Variants in INCENP observed in about 807,000 individuals in gnomAD.
The protein encoded by INCENP is inner centromere protein.
Under a neutral mutation model 107.3 loss-of-function variants are expected in INCENP, and 43 were observed. The ratio of observed to expected loss-of-function variants is 0.40; its 90% CI spans 0.31 to 0.52. The LOEUF (loss-of-function observed/expected upper bound fraction) is 0.52. Among genes scored for constraint, INCENP ranks in the 20% least tolerant of loss-of-function variants. INCENP has a pLI of 0.53. For missense variants in INCENP, 1,089 were observed against 1,250.9 expected, an observed-to-expected ratio of 0.87 and a Z score of 1.95; for synonymous variants, 488 against 494.4, an observed-to-expected ratio of 0.99 and a Z score of 0.17.
chr11:62,148,659 A>T, intron 16 of INCENP, 80 bp from the exon 17 acceptor site: 1 of 1,338,204 alleles, frequency 7.5e-7, no homozygotes, highest in South Asian at 1.3e-5. Context: ...GAAAGGGAGG[A>T]GAATGGAGCG....
chr11:62,131,049 G>A (rs751778490), intron 4 of INCENP, among the ~76,000 whole-genome samples: 2 of 152,172 alleles, frequency 1.3e-5, no homozygotes, highest in Non-Finnish European at 2.9e-5. Context: ...TAAATTCACC[G>A]GGTTTGCGCG....
chr11:62,128,387 C>T (rs1038965344), intron 2 of INCENP, 86 bp downstream of exon 2: 22 of 1,486,792 alleles, frequency 1.5e-5, no homozygotes, highest in African/African-American at 4.1e-5. Flanking sequence ...CCCTCGTCCC[C>T]GCCTACCTGG....
At chr11:62,136,687 G>GA (rs1397370425) in intron 4 of INCENP, among the ~76,000 whole-genome samples, 62 of 151,594 alleles carry the variant, frequency 4.1e-4, no homozygotes, top group Non-Finnish European at 2.1e-4. Context: ...CTCAAAAAAA[G>GA]AAAAAAAATT....
In INCENP at chr11:62,145,047, G is replaced by A; in HGVS notation, c.1671G>A (p.Gln557=). Residue 557 remains glutamine, a synonymous_variant, in exon 12 of 19, where the codon CAG becomes CAA. Coordinates refer to ENST00000394818, the MANE Select transcript of INCENP (RefSeq NM_001040694.2). ...RKEEAEQLRR[Q]KVEEDKRRRL... ...AGGAGGCCGAGCAGCTGCGCAGGCA[G>A]AAGGTGGAGGAGGACAAGCGGCGGC... 6.2e-7 allele frequency: 1 copy of A among 1,612,966 alleles called. No homozygotes were observed. The highest frequency in any genetic ancestry group is 2.2e-5 in the East Asian group (1 of 44,878).
chr11:62,125,101 T>C (rs1943721784), intron 1 of INCENP, among the ~76,000 whole-genome samples: 1 of 152,188 alleles, frequency 6.6e-6, no homozygotes, highest in Non-Finnish European at 1.5e-5. Flanking sequence ...CGGTGAGGTG[T>C]TGAGTGCTCT....
At chr11:62,125,558 G>T (rs1943730068) in intron 1 of INCENP, among the ~76,000 whole-genome samples, 1 of 152,256 alleles carries the variant, frequency 6.6e-6, no homozygotes, top group Non-Finnish European at 1.5e-5. Context: ...CCCAAAGCCT[G>T]TACGATCCTG....
chr11:62,147,535 G>T (rs1423743648), intron 15 of INCENP, among the ~76,000 whole-genome samples: 1 of 152,220 alleles, frequency 6.6e-6, no homozygotes, highest in Admixed American at 6.5e-5. Context: ...CTCACTGTTG[G>T]TCAGGAGATA....
At chr11:62,145,348 T>C in intron 13 of INCENP, 59 bp downstream of exon 13, 2 of 1,603,432 alleles carry the variant, frequency 1.2e-6, no homozygotes, top group Admixed American at 3.5e-5. Context: ...GGGTTAGGAC[T>C]GGACCCCTCA....
At position 62,130,437 on chromosome 11, in the gene INCENP, C is replaced by A. The variant is rs111319392; in HGVS notation, c.910C>A (p.Arg304=). The stretch of plus-strand genomic sequence containing the variant: ...CTCTCGCACGGACTCTCAATCGGTG[C>A]GGCACAGCCCGATCGCCCCGTCTTC... ...TGSRTDSQSV[R]HSPIAPSSPS... is the part of the protein sequence containing the mutation. Residue 304 remains arginine, a synonymous_variant, in exon 4 of 19, where the codon CGG becomes AGG. Coordinates refer to ENST00000394818, the MANE Select transcript of INCENP (RefSeq NM_001040694.2). 1.9e-6 allele frequency: 3 copies of A among 1,613,916 alleles called. No individual in the cohort carries two copies. Among genetic ancestry groups the A allele is most frequent in the Middle Eastern group, 1.6e-4 (1 of 6,062 alleles).
Position 62,145,728 on chromosome 11 carries a change from C to T in INCENP, c.1936C>T (p.Arg646Cys), listed in dbSNP as rs753711597. ...EARRKQEEEA[R>C]RLRWLQQEEE... ...ACGCAGGAAGCAGGAAGAGGAGGCA[C>T]GTAGGCTCAGGTGGCTGCAGCAGGT... Residue 646 changes from arginine to cysteine, a missense_variant, in exon 14 of 19, where the codon CGT (arginine) becomes TGT (cysteine). Arg to Cys is a radical substitution (Grantham distance 180). Transcript: ENST00000394818. The T allele has an allele frequency of 2.7e-5, 42 of 1,554,610 alleles. No individual in the cohort carries two copies. The South Asian group carries it at 3.1e-4, about 11-fold the overall frequency.
intron 4 of INCENP, among the ~76,000 whole-genome samples, chr11:62,131,612 G>A (rs1943895045): frequency 6.6e-6 from 1 of 152,148 alleles, no homozygotes; most frequent in Admixed American, 6.6e-5. Context: ...ATGGGTGTCT[G>A]GGGCTCATGC....
chr11:62,139,895 C>T (rs1452281915), intron 7 of INCENP, among the ~76,000 whole-genome samples: 1 of 152,176 alleles, frequency 6.6e-6, no homozygotes, highest in Non-Finnish European at 1.5e-5. Context: ...GAGCCAGGCA[C>T]TCGCGGGGAG....
chr11:62,148,730 G>C lies in INCENP; in HGVS notation c.2284-9G>C, dbSNP rs757796268. On this transcript the variant is annotated splice_polypyrimidine_tract_variant and intron_variant, in intron 16 of 18. Transcript: ENST00000394818. ...GCTCCCTAACACCCCATTGCCACCT[G>C]GGTTCCAGGAAGAGCAGCAGCGTCT... 1 of 1,573,858 alleles carries C rather than the reference G, an allele frequency of 6.4e-7. No homozygotes were observed. The highest frequency in any genetic ancestry group is 1.7e-4 in the Middle Eastern group (1 of 5,748).
Position 62,128,245 on chromosome 11 carries a change from T to A in INCENP, c.84T>A (p.Asn28Lys). Residue 28 changes from asparagine (N) to lysine (K), a missense_variant, in exon 2 of 19, where the codon AAT (asparagine) becomes AAA (lysine). Physicochemically the swap from Asn to Lys is moderately conservative, Grantham distance 94. Coordinates refer to ENST00000394818, the MANE Select transcript of INCENP (RefSeq NM_001040694.2). ...KLMEFLCNMD[N>K]KDLVWLEEIQ... ...TGGAGTTTCTCTGCAACATGGATAA[T>A]AAGGACTTGGTGTGGCTTGAGGAAA... is the stretch of plus-strand genomic sequence containing the variant. The A allele has an allele frequency of 6.2e-7, 1 of 1,614,158 alleles. No individual in the cohort carries two copies. The highest frequency in any genetic ancestry group is 8.5e-7 in the Non-Finnish European group (1 of 1,180,002).
intron 15 of INCENP, among the ~76,000 whole-genome samples, chr11:62,147,109 G>A (rs1351939015): frequency 6.6e-6 from 1 of 152,210 alleles, no homozygotes. Flanking sequence ...GCTTGGCTTG[G>A]TTCTGCCTCC....
intron 4 of INCENP, 34 bp from the exon 5 acceptor site, chr11:62,137,798 A>G (rs534573193): frequency 1.2e-6 from 2 of 1,608,964 alleles, no homozygotes; most frequent in African/African-American, 2.7e-5. Flanking sequence ...GTGGTCTCTG[A>G]TGAGATCTTT....
At position 62,150,188 on chromosome 11, in the gene INCENP, C is replaced by T. The variant is rs368156075; in HGVS notation, c.2523C>T (p.Pro841=). The change falls in exon 18 of 19, where the codon CCC becomes CCT. Residue 841 remains proline, a synonymous_variant. Transcript: ENST00000394818. ...ATGATGAGGCCCATCCCCGGAAGCC[C>T]ATCCCCACCTGGGCCCGAGGTAAGC... ...STDDEAHPRK[P]IPTWARGTPL... is the part of the protein sequence containing the mutation. 4.6e-5 allele frequency: 74 copies of T among 1,613,962 alleles called. No homozygotes were observed. Among genetic ancestry groups the T allele is most frequent in the Non-Finnish European group, 5.9e-5 (70 of 1,180,022 alleles).
chr11:62,145,296 G>A lies in INCENP; in HGVS notation c.1836+7G>A. ...CGACGAGAAGACTGAGAAGGTGGGA[G>A]CCTGGGCTGTGGAGGCCCAGGCAAT... On this transcript the variant is annotated splice_region_variant and intron_variant, in intron 13 of 18. Coordinates refer to ENST00000394818, the MANE Select transcript of INCENP (RefSeq NM_001040694.2). 2 of 1,613,960 alleles carry A rather than the reference G, an allele frequency of 1.2e-6. No individual in the cohort carries two copies. The highest frequency in any genetic ancestry group is 1.3e-5 in the African/African-American group (1 of 75,048).
At position 62,138,770 on chromosome 11, in the gene INCENP, G is replaced by A. The variant is rs774701701; in HGVS notation, c.1173G>A (p.Glu391=). 1.9e-6 allele frequency: 3 copies of A among 1,614,054 alleles called. No individual in the cohort carries two copies. The highest frequency in any genetic ancestry group is 1.7e-5 in the Admixed American group (1 of 60,030). Residue 391 remains glutamate, a splice_region_variant and synonymous_variant, in exon 6 of 19, where the codon GAG becomes GAA. Coordinates refer to ENST00000394818, the MANE Select transcript of INCENP (RefSeq NM_001040694.2). ...EAEPVAAAEP[E]VPENNGNNSW... is the part of the protein sequence containing the mutation. ...AGCCTGTGGCGGCAGCTGAGCCAGAGGTAAGACGGCTGCCTGGGGAAGGGA... is the reference window on the plus strand; with the variant it reads ...AGCCTGTGGCGGCAGCTGAGCCAGAAGTAAGACGGCTGCCTGGGGAAGGGA...
Sources: allele counts gnomAD v4.1 joint callset (sites outside exome capture counted in the v4.1 genomes callset), GRCh38; gene constraint gnomAD v4.1.1; transcripts MANE v1.5; gene names NCBI Gene and HGNC (gene_info 2026-07-23, HGNC 2026-07-21).